SIRPB2: variants seen among roughly 807,000 people sequenced by gnomAD.
SIRPB2 encodes the protein signal regulatory protein beta 2, also known as signal-regulatory protein beta-2.
Under a neutral mutation model 27.1 loss-of-function variants are expected in SIRPB2, and 18 were observed. The observed-to-expected ratio is 0.66, with a 90% CI of 0.46 to 0.98. The LOEUF is 0.98. SIRPB2 is among the 50% of genes least tolerant of loss of function. SIRPB2 has a pLI of 0.00. For synonymous variants in SIRPB2, 150 were observed against 164.6 expected (o/e 0.91, Z 0.68); for missense variants, 420 against 417.4 (o/e 1.01, Z -0.06).
At position 1,475,868 on chromosome 20, in the gene SIRPB2, A is replaced by T; in HGVS notation, c.*299T>A. 1 of 290,874 alleles carries T rather than the reference A, an allele frequency of 3.4e-6. No homozygotes were observed. The highest frequency in any genetic ancestry group is 1.0e-3 in the Middle Eastern group (1 of 970). The allele number at this position is 290,874 out of a possible 1,614,324, so 18.0% of individuals were successfully genotyped here. On this transcript the variant is annotated 3_prime_UTR_variant, in exon 5 of 5. Coordinates refer to ENST00000359801, the MANE Select transcript of SIRPB2 (RefSeq NM_001122962.2). ...CAAGAAGGATGTAGCGAGGTGGGGA[A>T]AGGGGCAGGGCGCACCAGAAAGGGC...
chr20:1,481,136 G>A lies in SIRPB2; in HGVS notation c.86-1071C>T, dbSNP rs752205639. Reference sequence around the variant, plus strand: ...CTAAGAATTCTGTGAGGTAGATGCTGTTATAATCTCAATTTTAAAAACTTC... The same window carrying A: ...CTAAGAATTCTGTGAGGTAGATGCTATTATAATCTCAATTTTAAAAACTTC... On this transcript the variant is annotated intron_variant, in intron 1 of 4. Coordinates refer to ENST00000359801, the MANE Select transcript of SIRPB2 (RefSeq NM_001122962.2). 1.4e-4 allele frequency among the ~76,000 whole-genome samples: 22 copies of A among 152,066 alleles called. 1 individual carries two copies. The highest frequency in any genetic ancestry group is 2.5e-4 in the Non-Finnish European group (17 of 68,004).
chr20:1,491,238 C>T lies in SIRPB2; in HGVS notation c.85+37G>A, dbSNP rs369500508. 458 of 1,578,998 alleles carry T rather than the reference C, an allele frequency of 2.9e-4. 5 individuals carry two copies. The South Asian group carries it at 4.8e-3, about 17-fold the overall frequency. On this transcript the variant is annotated intron_variant, in intron 1 of 4. Coordinates refer to ENST00000359801, the MANE Select transcript of SIRPB2 (RefSeq NM_001122962.2). ...AGTGCCCCTCTAGGGACTGACCAGC[C>T]GGGGGTGGACCCTGTTCTATCCTAG...
At chr20:1,478,888 C>A (rs2123018519) in intron 2 of SIRPB2, among the ~76,000 whole-genome samples, 1 of 152,280 alleles carries the variant, frequency 6.6e-6, no homozygotes, top group Non-Finnish European at 1.5e-5. Context: ...CAAAAAATTG[C>A]CCAGAGGCGG....
rs774750046 is a variant in SIRPB2, at chr20:1,491,342, C to T, written c.18G>A (p.Ser6=). 15 of 1,609,948 alleles carry T rather than the reference C, an allele frequency of 9.3e-6. No individual in the cohort carries two copies. The highest frequency in any genetic ancestry group is 5.5e-5 in the South Asian group (5 of 90,130). Residue 6 remains serine (S), a synonymous_variant, in exon 1 of 5, where the codon TCG becomes TCA. Coordinates refer to ENST00000359801, the MANE Select transcript of SIRPB2 (RefSeq NM_001122962.2). MCSTM[S]APTCLAHLPP... ...GCAAGTGGGCCAGGCAGGTGGGGGC[C>T]GACATCGTGGAGCACATGGCATCTT...
At chr20:1,474,103 G>T (rs973143764), downstream of SIRPB2, among the ~76,000 whole-genome samples, 1 of 152,138 alleles carries the variant, frequency 6.6e-6, no homozygotes, top group African/African-American at 2.4e-5. Context: ...ATCCATCCGT[G>T]TCTCTCTTGT....
downstream of SIRPB2, chr20:1,473,667 C>A: frequency 6.3e-6 from 2 of 315,154 alleles, no homozygotes; most frequent in South Asian, 2.5e-5. Context: ...GGTCAAAGTC[C>A]AGAGGGGTGC....
intron 4 of SIRPB2, chr20:1,476,720 G>C (rs1202968654): frequency 4.8e-6 from 5 of 1,047,526 alleles, no homozygotes; most frequent in Non-Finnish European, 5.8e-6. Context: ...GACCCAGGCC[G>C]TCTGGCCCCC....
chr20:1,491,201 G>C, intron 1 of SIRPB2, 74 bp downstream of exon 1: 9 of 1,349,952 alleles, frequency 6.7e-6, no homozygotes, highest in Non-Finnish European at 9.2e-6. Flanking sequence ...CTTCAGGCAT[G>C]GCAGAGCACT....
At chr20:1,488,728 T>G (rs1763856527) in intron 1 of SIRPB2, among the ~76,000 whole-genome samples, 1 of 152,170 alleles carries the variant, frequency 6.6e-6, no homozygotes, top group Non-Finnish European at 1.5e-5. Context: ...TAATAAGTGT[T>G]GGTGAGGAGG....
intron 1 of SIRPB2, among the ~76,000 whole-genome samples, chr20:1,487,244 A>G (rs1290808444): frequency 6.6e-6 from 1 of 152,222 alleles, no homozygotes; most frequent in Non-Finnish European, 1.5e-5. Context: ...TATTTAGCCA[A>G]AAATGTAAAG....
At position 1,475,448 on chromosome 20, in the gene SIRPB2, T is replaced by G. The variant is rs1402883575; in HGVS notation, c.*719A>C. On this transcript the variant is annotated 3_prime_UTR_variant, in exon 5 of 5. Transcript: ENST00000359801. The stretch of plus-strand genomic sequence containing the variant: ...AGTAGAGATAAGTGAGGTGGCCAAG[T>G]TCCTGACTGTGCACTTAAAGGGGAG... 2.6e-5 allele frequency: 4 copies of G among 152,214 alleles called. No homozygotes were observed. Among genetic ancestry groups the G allele is most frequent in the African/African-American group, 4.8e-5 (2 of 41,432 alleles). The allele number at this position is 152,214 out of a possible 1,614,324, so 9.4% of individuals were successfully genotyped here.
chr20:1,480,013 G>A lies in SIRPB2; in HGVS notation c.138C>T (p.Gly46=), dbSNP rs757309821. ...RNDWQVLQPE[G]PMLVAEGETL... Reference sequence around the variant, plus strand: ...TCTCACCTTCTGCCACCAGCATGGGGCCCTCGGGCTGTAGCACCTGCCAGT... The same window carrying A: ...TCTCACCTTCTGCCACCAGCATGGGACCCTCGGGCTGTAGCACCTGCCAGT... The change falls in exon 2 of 5, where the codon GGC becomes GGT. Residue 46 remains glycine, a synonymous_variant. Coordinates refer to ENST00000359801, the MANE Select transcript of SIRPB2 (RefSeq NM_001122962.2). The A allele has an allele frequency of 2.6e-5, 42 of 1,613,966 alleles. No individual in the cohort carries two copies. Among genetic ancestry groups the A allele is most frequent in the Non-Finnish European group, 2.4e-5 (28 of 1,180,012 alleles).
chr20:1,484,259 G>A (rs1340398028), intron 1 of SIRPB2, among the ~76,000 whole-genome samples: 2 of 151,778 alleles, frequency 1.3e-5, no homozygotes, highest in Non-Finnish European at 2.9e-5. Flanking sequence ...GAGAAAACAG[G>A]GAAGGGACTC....
Position 1,476,172 on chromosome 20 carries a change from C to T in SIRPB2, c.1024G>A (p.Glu342Lys). ...MNTLAWSKGQE is the reference protein window; with the variant it reads ...MNTLAWSKGQK ...CTCACTCTGGGGCTGACCCCTCACT[C>T]TTGACCCTTGCTCCATGCTAAGGTG... The change falls in exon 5 of 5, where the codon GAG (glutamate) becomes AAG (lysine). Residue 342 changes from glutamate to lysine, a missense_variant. Coordinates refer to ENST00000359801, the MANE Select transcript of SIRPB2 (RefSeq NM_001122962.2). The T allele has an allele frequency of 6.2e-7, 1 of 1,613,796 alleles. No individual in the cohort carries two copies. Among genetic ancestry groups the T allele is most frequent in the Non-Finnish European group, 8.5e-7 (1 of 1,179,906 alleles).
intron 1 of SIRPB2, among the ~76,000 whole-genome samples, chr20:1,484,063 G>A (rs953927759): frequency 6.6e-6 from 1 of 152,174 alleles, no homozygotes; most frequent in South Asian, 2.1e-4. Flanking sequence ...ATAAATCCAT[G>A]TATTTACAGC....
chr20:1,472,291 C>T (rs545801238), downstream of SIRPB2, among the ~76,000 whole-genome samples: 4 of 152,196 alleles, frequency 2.6e-5, no homozygotes, highest in African/African-American at 2.4e-5. Flanking sequence ...AGAGTCCCCA[C>T]GAAGGGCCTT....
chr20:1,470,790 C>G (rs968760342), downstream of SIRPB2: 1 of 152,128 alleles, frequency 6.6e-6, no homozygotes, highest in African/African-American at 2.4e-5. Flanking sequence ...TTTACTAGCG[C>G]GTACAAACAC....
chr20:1,486,052 T>A (rs1327159525), intron 1 of SIRPB2, among the ~76,000 whole-genome samples: 1 of 149,242 alleles, frequency 6.7e-6, no homozygotes, highest in South Asian at 2.2e-4. Context: ...GAATTTTCCA[T>A]ATCTTTTTCT....
intron 1 of SIRPB2, among the ~76,000 whole-genome samples, chr20:1,488,241 A>G (rs1340020792): frequency 3.3e-5 from 5 of 152,222 alleles, no homozygotes; most frequent in Admixed American, 6.5e-5. Context: ...TCAAAACTCA[A>G]TAATAAGAAA....
Sources: gnomAD v4.1 joint callset for allele counts (sites outside exome capture counted in the v4.1 genomes callset) on GRCh38, gnomAD v4.1.1 for gene constraint, MANE v1.5 for transcripts, NCBI Gene and HGNC (gene_info 2026-07-23, HGNC 2026-07-21) for gene names.